Variants in APLP2 observed in about 807,000 individuals in gnomAD.
APLP2 encodes amyloid beta precursor like protein 2.
A neutral mutation model predicts 89.9 loss-of-function variants in APLP2; 53 were observed. That is an observed-to-expected ratio of 0.59 (90% CI 0.47 to 0.74). The LOEUF (loss-of-function observed/expected upper bound fraction) is 0.74. Ranked by LOEUF, APLP2 falls within the 30% of genes least tolerant of loss-of-function variation. The probability of loss-of-function intolerance (pLI) is 0.00; values close to 1 mark genes in which losing one functional copy is unlikely to be tolerated. For missense variants in APLP2, 973 were observed against 975.9 expected (o/e 1.00, Z 0.04); for synonymous variants, 372 against 348.6 (o/e 1.07, Z -0.75).
At chr11:130,091,847 G>C (rs1945319032) in intron 1 of APLP2, among the ~76,000 whole-genome samples, 1 of 148,096 alleles carries the variant, frequency 6.8e-6, no homozygotes, top group Non-Finnish European at 1.5e-5. Context: ...CTCCCGGACG[G>C]GGTGGCTGCC....
chr11:130,107,822 A>G (rs534534975), intron 1 of APLP2, among the ~76,000 whole-genome samples: 4 of 152,240 alleles, frequency 2.6e-5, no homozygotes, highest in African/African-American at 4.8e-5. Context: ...CTATACTTCA[A>G]TGCTACAGTA....
At chr11:130,122,169 C>A in intron 5 of APLP2, 136 bp from the exon 6 acceptor site, 1 of 1,053,412 alleles carries the variant, frequency 9.5e-7, no homozygotes, top group Non-Finnish European at 1.4e-6. Context: ...GGCCCCAGGG[C>A]TTAGTGGCAC....
rs568318118 is a variant in APLP2, at chr11:130,140,513, G to A, written c.1923+30G>A. On this transcript the variant is annotated intron_variant, in intron 14 of 16. Transcript: ENST00000338167. ...GCCTGTTCTTTCTTCTGCCCAACAC[G>A]CTTTACTTTTGAGACTCATTAGAGC... is the stretch of plus-strand genomic sequence containing the variant. The A allele has an allele frequency of 2.0e-4, 320 of 1,563,900 alleles. 6 individuals are homozygous for A. The South Asian group carries it at 2.7e-3, about 13-fold the overall frequency.
chr11:130,102,523 T>C (rs1391617028), intron 1 of APLP2, among the ~76,000 whole-genome samples: 1 of 152,202 alleles, frequency 6.6e-6, no homozygotes, highest in Non-Finnish European at 1.5e-5. Context: ...GGCAGGCACC[T>C]TCAGAAGCCC....
chr11:130,122,736 G>A (rs181888831), intron 6 of APLP2, among the ~76,000 whole-genome samples: 125 of 152,276 alleles, frequency 8.2e-4, no homozygotes, highest in African/African-American at 2.9e-3. Context: ...ATTAGAGAAC[G>A]GGGACTAGAG....
At chr11:130,116,146 A>G (rs183785361) in intron 3 of APLP2, among the ~76,000 whole-genome samples, 2 of 152,224 alleles carry the variant, frequency 1.3e-5, no homozygotes, top group South Asian at 2.1e-4. Flanking sequence ...GGATACATAC[A>G]TCTTTGAATA....
Position 130,121,664 on chromosome 11 carries a change from A to G in APLP2, c.567A>G (p.Pro189=), listed in dbSNP as rs979308203. Residue 189 remains proline, a synonymous_variant, in exon 5 of 17, where the codon CCA becomes CCG. Coordinates refer to ENST00000338167, the MANE Select transcript of APLP2 (RefSeq NM_001142276.2). ...MTLYSYGMLL[P]CGVDQFHGTE... ...TATATAGCTACGGCATGCTGCTCCCATGTGGGGTAGACCAGTTCCATGGCA... is the reference window on the plus strand; with the variant it reads ...TATATAGCTACGGCATGCTGCTCCCGTGTGGGGTAGACCAGTTCCATGGCA... The G allele has an allele frequency of 3.1e-6, 5 of 1,614,026 alleles. No individual in the cohort carries two copies. In the African/African-American group the frequency reaches 6.7e-5, roughly 22 times the overall value.
chr11:130,143,103 A>T (rs1324436527), intron 16 of APLP2, among the ~76,000 whole-genome samples: 1 of 152,102 alleles, frequency 6.6e-6, no homozygotes, highest in Non-Finnish European at 1.5e-5. Context: ...AATCCAGTTG[A>T]CTGTCATCTT....
At chr11:130,118,099 G>A (rs1347016657) in intron 3 of APLP2, among the ~76,000 whole-genome samples, 3 of 149,900 alleles carry the variant, frequency 2.0e-5, no homozygotes, top group South Asian at 2.1e-4. Flanking sequence ...AAAAATAGTT[G>A]TTGTGTTTCT....
At chr11:130,120,637 CT>C in intron 3 of APLP2, 68 bp from the exon 4 acceptor site, 2 of 1,144,970 alleles carry the variant, frequency 1.7e-6, no homozygotes, top group Non-Finnish European at 1.3e-6. Flanking sequence ...TCATCATAAA[CT>C]TCAGTGAGGG....
At chr11:130,078,146 T>C (rs1056198506) in intron 1 of APLP2, among the ~76,000 whole-genome samples, 2 of 151,740 alleles carry the variant, frequency 1.3e-5, no homozygotes, top group Non-Finnish European at 2.9e-5. Flanking sequence ...CCCTAAACAC[T>C]GTAGTTCAGT....
intron 13 of APLP2, among the ~76,000 whole-genome samples, chr11:130,137,535 T>C (rs1565603243): frequency 6.6e-6 from 1 of 152,244 alleles, no homozygotes; most frequent in African/African-American, 2.4e-5. Context: ...GCTTTCCCTC[T>C]GGGATGTCAG....
intron 1 of APLP2, among the ~76,000 whole-genome samples, chr11:130,090,538 T>C (rs1944802037): frequency 6.6e-6 from 1 of 151,946 alleles, no homozygotes; most frequent in African/African-American, 2.4e-5. Context: ...CATTTAACCC[T>C]GAGTGGACAC....
At chr11:130,103,855 T>C (rs1947274433) in intron 1 of APLP2, among the ~76,000 whole-genome samples, 1 of 152,184 alleles carries the variant, frequency 6.6e-6, no homozygotes, top group Non-Finnish European at 1.5e-5. Context: ...GTCTTTAATG[T>C]AAAAATATAG....
At chr11:130,126,978 C>G (rs955267831) in intron 8 of APLP2, 148 bp downstream of exon 8, 1 of 1,010,634 alleles carries the variant, frequency 9.9e-7, no homozygotes, top group African/African-American at 1.6e-5. Flanking sequence ...AGTGGAGCTG[C>G]CTTCTGGGTG....
Position 130,123,225 on chromosome 11 carries a change from G to A in APLP2, c.923-387G>A, listed in dbSNP as rs965020706. On this transcript the variant is annotated intron_variant, in intron 6 of 16. Transcript: ENST00000338167. This position sits in a 1 kb window ranked among gnomAD's most constrained non-coding sequence, Gnocchi z 4.0. ...GTTCTAGGTGCTTGTCTTTACTACG[G>A]GTATCACCACTTAAAGCAGCCTTTC... 6.6e-6 allele frequency among the ~76,000 whole-genome samples: 1 copy of A among 152,068 alleles called. No individual in the cohort carries two copies. The highest frequency in any genetic ancestry group is 2.4e-5 in the African/African-American group (1 of 41,374).
intron 1 of APLP2, among the ~76,000 whole-genome samples, chr11:130,098,297 T>C (rs760403888): frequency 6.6e-6 from 1 of 151,232 alleles, no homozygotes; most frequent in African/African-American, 2.4e-5. Flanking sequence ...CCCAGCTACT[T>C]GGGAGGCTGA....
rs1248558786 is a variant in APLP2 at position 130,143,930 on chromosome 11, G to C, written c.*482G>C. On this transcript the variant is annotated 3_prime_UTR_variant, in exon 17 of 17. Transcript: ENST00000338167. ...CCCTTTTTAAATGAGCTTTCAGGAA[G>C]TTGCTGAGAAATGGGGTGGAATAGG... 1 of 155,740 alleles carries C rather than the reference G, an allele frequency of 6.4e-6. No homozygotes were observed. Among genetic ancestry groups the C allele is most frequent in the Non-Finnish European group, 1.4e-5 (1 of 70,402 alleles). The allele number at this position is 155,740 out of a possible 1,614,324, so 9.6% of individuals were successfully genotyped here.
chr11:130,135,975 C>T (rs1951536542), intron 13 of APLP2, among the ~76,000 whole-genome samples: 1 of 152,194 alleles, frequency 6.6e-6, no homozygotes, highest in South Asian at 2.1e-4. Flanking sequence ...CCCACTTCTT[C>T]CAACTTGTGC....
Sources: allele counts gnomAD v4.1 joint callset (sites outside exome capture counted in the v4.1 genomes callset), GRCh38; gene constraint gnomAD v4.1.1; non-coding constraint Gnocchi (gnomAD v3.1); transcripts MANE v1.5; gene names NCBI Gene and HGNC (gene_info 2026-07-23, HGNC 2026-07-21).